The following GABRB1 variants were observed in gnomAD, a reference collection of about 807,000 sequenced individuals.
GABRB1 encodes the protein gamma-aminobutyric acid type A receptor subunit beta1.
GABRB1 carries 17 observed loss-of-function variants against 51.6 expected under a neutral mutation model. The observed-to-expected ratio is 0.33, with a 90% CI of 0.23 to 0.49. The LOEUF (loss-of-function observed/expected upper bound fraction) is 0.49, where lower values mean the gene tolerates loss of function less well. Among genes scored for constraint, GABRB1 ranks in the 20% least tolerant of loss-of-function variants. The pLI is 0.99. For missense variants in GABRB1, 410 were observed against 600.6 expected, an observed-to-expected ratio of 0.68 and a Z score of 3.32; for synonymous variants, 247 against 218.9, an observed-to-expected ratio of 1.13 and a Z score of -1.14.
chr4:47,370,253 C>G (rs1727141045), intron 5 of GABRB1, among the ~76,000 whole-genome samples: 1 of 152,110 alleles, frequency 6.6e-6, no homozygotes, highest in African/African-American at 2.4e-5. Flanking sequence ...CGTTGGGTGG[C>G]CGAGGCGAGT....
At chr4:47,175,029 C>T (rs1382289812) in intron 4 of GABRB1, among the ~76,000 whole-genome samples, 1 of 142,558 alleles carries the variant, frequency 7.0e-6, no homozygotes, top group East Asian at 2.2e-4. Context: ...TTCTTCCTTC[C>T]TTCCTCCCTC....
At chr4:47,049,854 T>C (rs1226600721) in intron 3 of GABRB1, among the ~76,000 whole-genome samples, 1 of 152,176 alleles carries the variant, frequency 6.6e-6, no homozygotes, top group East Asian at 1.9e-4. Context: ...GTTGTTTCTG[T>C]ACTTCAAAAA....
At chr4:47,240,668 C>T (rs920660304) in intron 4 of GABRB1, among the ~76,000 whole-genome samples, 1 of 152,108 alleles carries the variant, frequency 6.6e-6, no homozygotes, top group Non-Finnish European at 1.5e-5. Flanking sequence ...TAAGAATATA[C>T]GGAAAGTCTA....
intron 4 of GABRB1, among the ~76,000 whole-genome samples, chr4:47,305,605 C>A (rs1287334264): frequency 6.6e-6 from 1 of 151,972 alleles, no homozygotes; most frequent in African/African-American, 2.4e-5. Flanking sequence ...ACACAAGAAG[C>A]AAGTAATCAA....
intron 1 of GABRB1, among the ~76,000 whole-genome samples, chr4:47,011,861 T>C (rs780096188): frequency 5.3e-5 from 8 of 152,050 alleles, no homozygotes; most frequent in Non-Finnish European, 1.2e-4. Flanking sequence ...TTCCCAATCA[T>C]TAAAAGCCCA....
rs73142219 is a variant in GABRB1, at chr4:47,182,857, C to G, written c.461+21388C>G. On this transcript the variant is annotated intron_variant, in intron 4 of 8. Transcript: ENST00000295454. ...GATTTTTATATAGTGCTTTTACAAG[C>G]TAAACCTCAACACACAAAGCAAGCC... Among the ~76,000 whole-genome samples, 854 of 151,974 alleles carry G rather than the reference C, an allele frequency of 5.6e-3. 15 individuals carry two copies. The highest frequency in any genetic ancestry group is 0.019 in the African/African-American group (809 of 41,502).
At chr4:47,278,651 C>T (rs1441486502) in intron 4 of GABRB1, among the ~76,000 whole-genome samples, 1 of 152,118 alleles carries the variant, frequency 6.6e-6, no homozygotes, top group African/African-American at 2.4e-5. Context: ...TGTCAATTAC[C>T]AACAGACACC....
At chr4:47,163,100 C>T (rs930218182) in intron 4 of GABRB1, among the ~76,000 whole-genome samples, 2 of 151,980 alleles carry the variant, frequency 1.3e-5, no homozygotes, top group Non-Finnish European at 2.9e-5. Flanking sequence ...CAAGGTTGGG[C>T]ATAAACTCCA....
At chr4:47,102,259 C>G (rs898609669) in intron 3 of GABRB1, among the ~76,000 whole-genome samples, 8 of 151,872 alleles carry the variant, frequency 5.3e-5, no homozygotes, top group African/African-American at 1.9e-4. Context: ...TAATATTTTG[C>G]TTTCATTAGG....
intron 1 of GABRB1, among the ~76,000 whole-genome samples, chr4:47,011,574 T>C (rs1433594994): frequency 6.6e-6 from 1 of 152,184 alleles, no homozygotes; most frequent in Non-Finnish European, 1.5e-5. Flanking sequence ...AAGAGATCAT[T>C]TGTGGGCATG....
At chr4:47,207,752 A>G (rs1439097165) in intron 4 of GABRB1, among the ~76,000 whole-genome samples, 1 of 151,252 alleles carries the variant, frequency 6.6e-6, no homozygotes, top group African/African-American at 2.4e-5. Flanking sequence ...ATTCAATTGC[A>G]TTTATGCAGA....
In GABRB1 at chr4:47,426,270, TACAA is replaced by T; in HGVS notation, c.*260_*263del. On this transcript the variant is annotated 3_prime_UTR_variant, in exon 9 of 9. Coordinates refer to ENST00000295454, the MANE Select transcript of GABRB1 (RefSeq NM_000812.4). ...TAAGAGCTCTATTAATTGCCATGTT[TACAA>T]ACAAACACAAAGAGAGAAGTTAGAC... 3.2e-6 allele frequency: 1 copy of T among 313,110 alleles called. No individual in the cohort carries two copies. The highest frequency in any genetic ancestry group is 5.2e-5 in the East Asian group (1 of 19,220). 19.4% of individuals were successfully genotyped at this position (313,110 alleles called of 1,614,324 possible).
chr4:47,296,064 A>AT (rs1171121228), intron 4 of GABRB1, among the ~76,000 whole-genome samples: 1 of 152,136 alleles, frequency 6.6e-6, no homozygotes, highest in Non-Finnish European at 1.5e-5. Flanking sequence ...ATGCTGAGAG[A>AT]TTTTGTCACC....
intron 5 of GABRB1, among the ~76,000 whole-genome samples, chr4:47,323,015 G>A (rs868490682): frequency 6.6e-6 from 1 of 151,984 alleles, no homozygotes; most frequent in Non-Finnish European, 1.5e-5. Context: ...ATAATAATTA[G>A]AAGTATAGTG....
At chr4:47,365,725 C>T (rs1489982046) in intron 5 of GABRB1, among the ~76,000 whole-genome samples, 2 of 152,164 alleles carry the variant, frequency 1.3e-5, no homozygotes, top group African/African-American at 2.4e-5. Context: ...TCCTGTATTT[C>T]GCTCATCGCC....
At chr4:47,256,424 TTAA>T (rs1722199738) in intron 4 of GABRB1, among the ~76,000 whole-genome samples, 1 of 152,232 alleles carries the variant, frequency 6.6e-6, no homozygotes, top group East Asian at 1.9e-4. Flanking sequence ...GTAAGAATAA[TTAA>T]TGTTTGCTAT....
chr4:47,224,596 C>A (rs1720885159), intron 4 of GABRB1, among the ~76,000 whole-genome samples: 1 of 152,070 alleles, frequency 6.6e-6, no homozygotes, highest in African/African-American at 2.4e-5. Context: ...AGAATTTGAT[C>A]AGATAGCAAG....
intron 3 of GABRB1, among the ~76,000 whole-genome samples, chr4:47,051,117 G>A (rs1311791980): frequency 1.3e-5 from 2 of 152,060 alleles, no homozygotes; most frequent in Non-Finnish European, 2.9e-5. Context: ...ATAAATCTTT[G>A]GGCTACTCCT....
At chr4:47,199,517 T>A (rs941746359) in intron 4 of GABRB1, among the ~76,000 whole-genome samples, 3 of 152,006 alleles carry the variant, frequency 2.0e-5, no homozygotes, top group Non-Finnish European at 4.4e-5. Context: ...ACCTACATAG[T>A]TTTTAAGAAT....
Sources: gnomAD v4.1 joint callset for allele counts (sites outside exome capture counted in the v4.1 genomes callset) on GRCh38, gnomAD v4.1.1 for gene constraint, MANE v1.5 for transcripts, NCBI Gene and HGNC (gene_info 2026-07-23, HGNC 2026-07-21) for gene names.